The following WWTR1 variants were observed in gnomAD, a reference collection of about 807,000 sequenced individuals.
WWTR1 encodes the protein WW domain-containing transcription regulator protein 1.
In WWTR1, 13 loss-of-function variants were observed where a neutral mutation model predicts 40.1. That is an observed-to-expected ratio of 0.32 (90% confidence interval 0.21 to 0.52). The LOEUF is 0.52. Among genes scored for constraint, WWTR1 ranks in the 20% least tolerant of loss-of-function variants. The probability of loss-of-function intolerance (pLI) is 0.97; values close to 1 mark genes in which losing one functional copy is unlikely to be tolerated. For missense variants in WWTR1, 436 were observed against 523.1 expected (o/e 0.83, Z 1.63); for synonymous variants, 230 against 210.1 (o/e 1.09, Z -0.82).
chr3:149,684,695 C>G (rs35655246), intron 1 of WWTR1, among the ~76,000 whole-genome samples: 9,219 of 152,104 alleles, frequency 0.061, 317 homozygotes, highest in Non-Finnish European at 0.082. Flanking sequence ...ACTCGAGTAG[C>G]TGGGACTATA....
chr3:149,657,313 C>A lies in WWTR1; in HGVS notation c.-3-4G>T. The stretch of plus-strand genomic sequence containing the variant: ...GCGCCGAGGCCGGATTCATCTTCTG[C>A]AAAAAGAAGGTCAGATCAGCCTTTT... On this transcript the variant is annotated splice_polypyrimidine_tract_variant and splice_region_variant and intron_variant, in intron 1 of 6. Transcript: ENST00000360632. 1 of 1,604,858 alleles carries A rather than the reference C, an allele frequency of 6.2e-7. No homozygotes were observed. Among genetic ancestry groups the A allele is most frequent in the African/African-American group, 1.3e-5 (1 of 74,752 alleles).
chr3:149,692,043 G>A (rs143053561), intron 1 of WWTR1, among the ~76,000 whole-genome samples: 129 of 151,452 alleles, frequency 8.5e-4, no homozygotes, highest in African/African-American at 3.0e-3. Flanking sequence ...AAAAAGAAAA[G>A]CTAATACTAA....
At chr3:149,711,510 A>T (rs1283626499) in intron 5 of WWTR1, among the ~76,000 whole-genome samples, 1 of 152,186 alleles carries the variant, frequency 6.6e-6, no homozygotes, top group Non-Finnish European at 1.5e-5. Context: ...TATAAAGAAC[A>T]ATCTAGCCAG....
rs565016005 is a variant in WWTR1 at position 149,525,458 on chromosome 3, A to C, written c.1018+555T>G. Among the ~76,000 whole-genome samples, 24 of 152,174 alleles carry C rather than the reference A, an allele frequency of 1.6e-4. No individual in the cohort carries two copies. In the South Asian group the frequency reaches 2.1e-3, roughly 13 times the overall value. On this transcript the variant is annotated intron_variant, in intron 6 of 6. Coordinates refer to ENST00000360632, the MANE Select transcript of WWTR1 (RefSeq NM_015472.6). ...GGAGCAAAGATGAATTAAAAAAAAA[A>C]AACAACAGAATTTAAAATCCTGCGC...
upstream of WWTR1, among the ~76,000 whole-genome samples, chr3:149,706,723 T>G (rs548381705): frequency 2.6e-5 from 4 of 152,348 alleles, no homozygotes; most frequent in South Asian, 8.3e-4. Context: ...GAGATCATCT[T>G]AATATTATTA....
chr3:149,617,440 G>A (rs1226073218), intron 2 of WWTR1, among the ~76,000 whole-genome samples: 1 of 151,408 alleles, frequency 6.6e-6, no homozygotes, highest in African/African-American at 2.4e-5. Context: ...GGCTTTCCAC[G>A]GATTAGCCAC....
At chr3:149,571,166 A>G (rs893552991) in intron 3 of WWTR1, among the ~76,000 whole-genome samples, 10 of 150,482 alleles carry the variant, frequency 6.6e-5, no homozygotes, top group African/African-American at 2.4e-4. Context: ...AAACTTGGGG[A>G]CTGAGGAAAG....
chr3:149,576,017 T>G (rs1288897095), intron 2 of WWTR1: 1 of 456,574 alleles, frequency 2.2e-6, no homozygotes, highest in Non-Finnish European at 4.4e-6. Context: ...GATTTGTTAA[T>G]TAAAAGTGTC....
chr3:149,706,725 ATAT>A (rs1559846702), upstream of WWTR1, among the ~76,000 whole-genome samples: 1 of 152,226 alleles, frequency 6.6e-6, no homozygotes, highest in Non-Finnish European at 1.5e-5. Flanking sequence ...GATCATCTTA[ATAT>A]TATTATAAAG....
chr3:149,690,009 C>T (rs1477591126), intron 1 of WWTR1, among the ~76,000 whole-genome samples: 1 of 152,086 alleles, frequency 6.6e-6, no homozygotes, highest in Non-Finnish European at 1.5e-5. Context: ...TATTAGTTTT[C>T]CCTTGGCTTG....
chr3:149,558,546 C>T (rs572295065), intron 3 of WWTR1, among the ~76,000 whole-genome samples: 2 of 152,294 alleles, frequency 1.3e-5, no homozygotes, highest in South Asian at 4.1e-4. Flanking sequence ...CCCCACCCCA[C>T]CTTCCATAGA....
At chr3:149,675,582 G>C (rs1173518675) in intron 1 of WWTR1, among the ~76,000 whole-genome samples, 1 of 152,194 alleles carries the variant, frequency 6.6e-6, no homozygotes, top group Non-Finnish European at 1.5e-5. Flanking sequence ...AGAAGAAAGA[G>C]CTTAGAGGAA....
intron 2 of WWTR1, among the ~76,000 whole-genome samples, chr3:149,594,095 A>T (rs535050526): frequency 1.3e-5 from 2 of 152,324 alleles, no homozygotes; most frequent in South Asian, 4.1e-4. Flanking sequence ...TGGTTTGTAT[A>T]CTGTTCTACA....
At chr3:149,549,345 T>C (rs1051115239) in intron 3 of WWTR1, among the ~76,000 whole-genome samples, 2 of 152,220 alleles carry the variant, frequency 1.3e-5, no homozygotes, top group African/African-American at 4.8e-5. Flanking sequence ...GTAATTAGAA[T>C]AACACTTTAT....
intron 3 of WWTR1, among the ~76,000 whole-genome samples, chr3:149,565,149 T>C (rs1434389830): frequency 2.0e-5 from 3 of 152,232 alleles, no homozygotes; most frequent in South Asian, 2.1e-4. Flanking sequence ...ATCACACCAC[T>C]GCGCTCCAGC....
At chr3:149,707,178 T>C (rs551192217), upstream of WWTR1, among the ~76,000 whole-genome samples, 11 of 152,248 alleles carry the variant, frequency 7.2e-5, no homozygotes, top group South Asian at 1.9e-3. Flanking sequence ...AAGGAGCCAA[T>C]GTAGAGGATA....
chr3:149,667,476 AGGTGGAGCTTGCAGTGAGC>A (rs2108185152), intron 2 of WWTR1, among the ~76,000 whole-genome samples: 1 of 151,722 alleles, frequency 6.6e-6, no homozygotes, highest in East Asian at 1.9e-4. Context: ...TGAACCCAGG[AGGTGGAGCTTGCAGTGAGC>A]TCAGATCGTG....
At chr3:149,598,775 T>C (rs1436181577) in intron 2 of WWTR1, among the ~76,000 whole-genome samples, 1 of 152,248 alleles carries the variant, frequency 6.6e-6, no homozygotes, top group Non-Finnish European at 1.5e-5. Flanking sequence ...TCATTACAAA[T>C]AATGCTTCAA....
rs767495830 is a variant in WWTR1, at chr3:149,572,856, A to G, written c.568+8T>C. On this transcript the variant is annotated splice_region_variant and intron_variant, in intron 3 of 6. Transcript: ENST00000360632. ...TCTTTTTTAATTTTAAAAAAGCTTG[A>G]GGCTTACCGAGATTTGGCTGGGATA... 6.2e-7 allele frequency: 1 copy of G among 1,613,394 alleles called. No homozygotes were observed. The highest frequency in any genetic ancestry group is 2.2e-5 in the East Asian group (1 of 44,858).
Sources: allele counts gnomAD v4.1 joint callset (sites outside exome capture counted in the v4.1 genomes callset), GRCh38; gene constraint gnomAD v4.1.1; transcripts MANE v1.5; gene names NCBI Gene and HGNC (gene_info 2026-07-23, HGNC 2026-07-21).